The following HTR1F variants were observed in gnomAD, a reference collection of about 807,000 sequenced individuals.
HTR1F encodes 5-hydroxytryptamine (serotonin) receptor 1F, G protein-coupled.
Under a neutral mutation model 24.0 loss-of-function variants are expected in HTR1F, and 17 were observed. The observed-to-expected ratio is 0.71, with a 90% CI of 0.48 to 1.06. The LOEUF (loss-of-function observed/expected upper bound fraction) is 1.06, where lower values mean the gene tolerates loss of function less well. Ranked by LOEUF, HTR1F falls within the 50% of genes least tolerant of loss-of-function variation. The pLI, the probability that HTR1F is intolerant of heterozygous loss-of-function variation, is 0.00. For missense variants in HTR1F, 391 were observed against 427.8 expected (o/e 0.91, Z 0.76); for synonymous variants, 186 against 156.8 (o/e 1.19, Z -1.39).
chr3:87,851,011 T>TA (rs1226962997), intron 2 of HTR1F, among the ~76,000 whole-genome samples: 3 of 151,628 alleles, frequency 2.0e-5, no homozygotes, highest in Non-Finnish European at 4.4e-5. Flanking sequence ...ATAATAAGAG[T>TA]AACAAGACAG....
At chr3:87,870,568 T>C (rs1290483733) in intron 2 of HTR1F, among the ~76,000 whole-genome samples, 1 of 152,012 alleles carries the variant, frequency 6.6e-6, no homozygotes. Flanking sequence ...AGCTTCTGTC[T>C]TGGGAGAGAG....
rs1378886070 is a variant in HTR1F, at chr3:87,795,003, T to C, written c.-160+2161T>C. Among the ~76,000 whole-genome samples, 260 of 115,394 alleles carry C rather than the reference T, an allele frequency of 2.3e-3. 1 individual carries two copies. Among genetic ancestry groups the C allele is most frequent in the Non-Finnish European group, 3.4e-3 (189 of 54,946 alleles). The allele number at this position is 115,394 out of a possible 152,430, so 75.7% of individuals were successfully genotyped here. On this transcript the variant is annotated intron_variant, in intron 1 of 2. Transcript: ENST00000319595. The stretch of plus-strand genomic sequence containing the variant: ...CTGACTTTTTTTTTTTTTTTTTTTT[T>C]TTTTTTTGAGATGGAGTCTCTGTCT...
At chr3:87,851,209 T>C (rs1314920562) in intron 2 of HTR1F, among the ~76,000 whole-genome samples, 2 of 151,784 alleles carry the variant, frequency 1.3e-5, no homozygotes, top group East Asian at 3.9e-4. Flanking sequence ...TATTATGCTC[T>C]TTATTTTGCA....
chr3:87,969,861 T>C (rs955695487), intron 2 of HTR1F, among the ~76,000 whole-genome samples: 3 of 152,162 alleles, frequency 2.0e-5, no homozygotes, highest in Non-Finnish European at 4.4e-5. Context: ...AGGGAGGTAA[T>C]TGAATCATGG....
chr3:87,820,382 T>C (rs1391570610), intron 1 of HTR1F, among the ~76,000 whole-genome samples: 1 of 151,808 alleles, frequency 6.6e-6, no homozygotes, highest in East Asian at 1.9e-4. Context: ...TTCACCGTTT[T>C]AGCCGGGATG....
At chr3:87,811,804 C>T (rs1704165312) in intron 1 of HTR1F, among the ~76,000 whole-genome samples, 1 of 152,134 alleles carries the variant, frequency 6.6e-6, no homozygotes, top group Non-Finnish European at 1.5e-5. Flanking sequence ...TATGGTTTGG[C>T]TCTGTTGCCC....
chr3:87,871,575 G>A lies in HTR1F; in HGVS notation c.-43+49451G>A, dbSNP rs1270140393. On this transcript the variant is annotated intron_variant, in intron 2 of 2. Coordinates refer to ENST00000319595, the MANE Select transcript of HTR1F (RefSeq NM_001322209.2). ...TCAGTAAGCTTAATGGTTCAAACTAGGGTGAATCCACAGAGGCCCACAGCT... is the reference window on the plus strand; with the variant it reads ...TCAGTAAGCTTAATGGTTCAAACTAAGGTGAATCCACAGAGGCCCACAGCT... 2.0e-5 allele frequency among the ~76,000 whole-genome samples: 3 copies of A among 151,984 alleles called. No individual in the cohort carries two copies. In the East Asian group the frequency reaches 5.8e-4, roughly 29 times the overall value.
At chr3:87,846,414 G>A (rs1704945455) in intron 2 of HTR1F, among the ~76,000 whole-genome samples, 1 of 151,346 alleles carries the variant, frequency 6.6e-6, no homozygotes, top group African/African-American at 2.5e-5. Flanking sequence ...TCCACCCTGG[G>A]TGACAGAGCA....
intron 1 of HTR1F, among the ~76,000 whole-genome samples, chr3:87,808,576 A>G (rs564799854): frequency 5.3e-5 from 8 of 151,204 alleles, no homozygotes; most frequent in Non-Finnish European, 7.4e-5. Flanking sequence ...TTTTCATTTC[A>G]TTTATCCTTT....
intron 1 of HTR1F, among the ~76,000 whole-genome samples, chr3:87,816,155 G>A (rs918614902): frequency 6.6e-6 from 1 of 152,014 alleles, no homozygotes; most frequent in Admixed American, 6.6e-5. Context: ...TCTCTTCGGA[G>A]TGTTCTTACT....
chr3:87,915,733 A>G (rs927412405), intron 2 of HTR1F, among the ~76,000 whole-genome samples: 3 of 152,190 alleles, frequency 2.0e-5, no homozygotes, highest in African/African-American at 4.8e-5. Flanking sequence ...CCTAAGAATA[A>G]TTGGTGTTCC....
At chr3:87,933,395 G>T (rs1704332235) in intron 2 of HTR1F, among the ~76,000 whole-genome samples, 1 of 152,064 alleles carries the variant, frequency 6.6e-6, no homozygotes, top group Non-Finnish European at 1.5e-5. Flanking sequence ...ATTCAATTAG[G>T]AAAAGAGGAA....
chr3:87,941,324 G>C lies in HTR1F; in HGVS notation c.-42-49384G>C, dbSNP rs1414928837. Among the ~76,000 whole-genome samples, 12 of 152,154 alleles carry C rather than the reference G, an allele frequency of 7.9e-5. 1 individual carries two copies. The highest frequency in any genetic ancestry group is 1.8e-4 in the Non-Finnish European group (12 of 68,020). On this transcript the variant is annotated intron_variant, in intron 2 of 2. Transcript: ENST00000319595. Reference sequence around the variant, plus strand: ...ACCCTCTTAGTTGCTTTAGGGTTTTGGGATGAGCATAAGCCAGTATAGGCT... The same window carrying C: ...ACCCTCTTAGTTGCTTTAGGGTTTTCGGATGAGCATAAGCCAGTATAGGCT...
intron 2 of HTR1F, among the ~76,000 whole-genome samples, chr3:87,826,505 G>C (rs991420487): frequency 3.2e-4 from 48 of 152,124 alleles, no homozygotes; most frequent in African/African-American, 1.1e-3. Flanking sequence ...TCCATAGCCA[G>C]CCTCTCCAGT....
intron 2 of HTR1F, among the ~76,000 whole-genome samples, chr3:87,890,203 G>A (rs1706045950): frequency 6.6e-6 from 1 of 152,112 alleles, no homozygotes; most frequent in Non-Finnish European, 1.5e-5. Context: ...CATCTGAAGG[G>A]AGCAAAAATA....
chr3:87,812,604 T>C (rs762031280), intron 1 of HTR1F, among the ~76,000 whole-genome samples: 1 of 152,158 alleles, frequency 6.6e-6, no homozygotes, highest in Non-Finnish European at 1.5e-5. Context: ...GAAATTTGCA[T>C]AGGTAATGAG....
chr3:87,872,223 T>C (rs1185642253), intron 2 of HTR1F, among the ~76,000 whole-genome samples: 1 of 152,014 alleles, frequency 6.6e-6, no homozygotes, highest in African/African-American at 2.4e-5. Context: ...AATGGAGAAC[T>C]CAACATGCCA....
chr3:87,820,154 G>T (rs2107121546), intron 1 of HTR1F, among the ~76,000 whole-genome samples: 1 of 151,134 alleles, frequency 6.6e-6, no homozygotes, highest in East Asian at 1.9e-4. Flanking sequence ...CCAATAACTT[G>T]GTTTCCTGGA....
At chr3:87,963,710 A>T (rs1023040462) in intron 2 of HTR1F, among the ~76,000 whole-genome samples, 4 of 152,128 alleles carry the variant, frequency 2.6e-5, no homozygotes, top group African/African-American at 9.7e-5. Flanking sequence ...CAACTTCTCA[A>T]TGGAGGTGAA....
Sources: gnomAD v4.1 joint callset for allele counts (sites outside exome capture counted in the v4.1 genomes callset) on GRCh38, gnomAD v4.1.1 for gene constraint, MANE v1.5 for transcripts, NCBI Gene and HGNC (gene_info 2026-07-23, HGNC 2026-07-21) for gene names.